Variants in ACVR1C observed in about 807,000 individuals in gnomAD.
The protein encoded by ACVR1C is activin receptor type-1C.
A neutral mutation model predicts 57.9 loss-of-function variants in ACVR1C; 23 were observed. The observed-to-expected ratio is 0.40, with a 90% CI of 0.29 to 0.56. The LOEUF is 0.56. ACVR1C is among the 20% of genes least tolerant of loss of function. ACVR1C has a pLI of 0.50. For synonymous variants in ACVR1C, 214 were observed against 215.3 expected (o/e 0.99, Z 0.05); for missense variants, 480 against 607.9 (o/e 0.79, Z 2.21).
intron 1 of ACVR1C, among the ~76,000 whole-genome samples, chr2:157,588,236 TACACACACACAC>T (rs10572950): frequency 2.0e-5 from 3 of 147,772 alleles, no homozygotes; most frequent in Admixed American, 1.4e-4. Flanking sequence ...CTCCACTTAC[TACACACACACAC>T]ACACACACAC....
chr2:157,554,235 G>GAA (rs1283086740), intron 3 of ACVR1C, among the ~76,000 whole-genome samples: 2 of 112,342 alleles, frequency 1.8e-5, no homozygotes, highest in Admixed American at 9.1e-5. Context: ...AAGAAAGAAA[G>GAA]AAAGAAAGAA....
At chr2:157,577,838 C>T (rs745430224) in intron 2 of ACVR1C, among the ~76,000 whole-genome samples, 10 of 151,788 alleles carry the variant, frequency 6.6e-5, no homozygotes, top group Non-Finnish European at 1.5e-4. Context: ...TTCTTGGCTT[C>T]TTTTGGTTTT....
chr2:157,535,557 G>A (rs1461588382), intron 8 of ACVR1C, among the ~76,000 whole-genome samples: 1 of 152,156 alleles, frequency 6.6e-6, no homozygotes, highest in Non-Finnish European at 1.5e-5. Context: ...GCCAGGTGCG[G>A]TGGCTCACAC....
In ACVR1C at chr2:157,532,808, T is replaced by A. The variant is rs1687388512; in HGVS notation, c.*1110A>T. ...GTTTTCTTAATTCTTCTCAATATAT[T>A]CTCAAAATATTTCCTTCCTTCCTCT... On this transcript the variant is annotated 3_prime_UTR_variant, in exon 9 of 9. Coordinates refer to ENST00000243349, the MANE Select transcript of ACVR1C (RefSeq NM_145259.3). The A allele has an allele frequency of 6.6e-6, 1 of 152,168 alleles. No individual in the cohort carries two copies. The highest frequency in any genetic ancestry group is 1.5e-5 in the Non-Finnish European group (1 of 68,022). 9.4% of individuals were successfully genotyped at this position (152,168 alleles called of 1,614,324 possible). A position where few individuals can be genotyped will look rare whatever the true frequency, so the allele number is the denominator to read the frequency against.
intron 4 of ACVR1C, among the ~76,000 whole-genome samples, chr2:157,545,300 C>A (rs1368018522): frequency 6.6e-6 from 1 of 152,204 alleles, no homozygotes; most frequent in Non-Finnish European, 1.5e-5. Flanking sequence ...TAACCCTGGG[C>A]AGTCCTGACC....
At chr2:157,624,655 G>A (rs1319371222) in intron 1 of ACVR1C, among the ~76,000 whole-genome samples, 2 of 152,200 alleles carry the variant, frequency 1.3e-5, no homozygotes, top group Non-Finnish European at 2.9e-5. Flanking sequence ...GAGATATCCT[G>A]TGCAAAGAGT....
At chr2:157,556,012 GC>G in intron 3 of ACVR1C, 80 bp downstream of exon 3, 2 of 1,441,928 alleles carry the variant, frequency 1.4e-6, no homozygotes. Flanking sequence ...TAATATTTGG[GC>G]CCTTTTTGTT....
chr2:157,589,340 G>T (rs1689010218), intron 1 of ACVR1C, among the ~76,000 whole-genome samples: 1 of 151,906 alleles, frequency 6.6e-6, no homozygotes. Flanking sequence ...CTTCTTTTGA[G>T]AAGTGTTTGT....
At chr2:157,570,728 T>C (rs2105239928) in intron 2 of ACVR1C, among the ~76,000 whole-genome samples, 1 of 70,426 alleles carries the variant, frequency 1.4e-5, no homozygotes, top group South Asian at 4.4e-4. Context: ...CACAAACAAA[T>C]GGAAGAACAT....
intron 2 of ACVR1C, 63 bp from the exon 3 acceptor site, chr2:157,556,395 G>C: frequency 3.2e-6 from 5 of 1,587,254 alleles, no homozygotes; most frequent in African/African-American, 1.3e-5. Context: ...TTTTGGAATT[G>C]GAATTGCAAT....
intron 4 of ACVR1C, 73 bp downstream of exon 4, chr2:157,550,089 A>ATT (rs997509263): frequency 1.9e-5 from 23 of 1,229,710 alleles, no homozygotes; most frequent in Admixed American, 8.6e-5. Flanking sequence ...ACTAGACAAC[A>ATT]TTTTTTTTTT....
intron 4 of ACVR1C, among the ~76,000 whole-genome samples, chr2:157,544,925 G>C (rs1338363092): frequency 1.3e-5 from 2 of 152,060 alleles, no homozygotes; most frequent in African/African-American, 4.8e-5. Context: ...CCACATTATA[G>C]GAGAAACCAC....
intron 2 of ACVR1C, among the ~76,000 whole-genome samples, chr2:157,563,148 C>T (rs565243385): frequency 1.9e-4 from 29 of 152,114 alleles, no homozygotes; most frequent in African/African-American, 5.5e-4. Context: ...GGAAATAAAG[C>T]GTATTCAAAT....
chr2:157,627,927 G>A (rs1280119839), intron 1 of ACVR1C, among the ~76,000 whole-genome samples: 2 of 152,304 alleles, frequency 1.3e-5, no homozygotes, highest in South Asian at 4.1e-4. Context: ...TCAAGGCACA[G>A]ACCTGTTATA....
intron 2 of ACVR1C, among the ~76,000 whole-genome samples, chr2:157,559,644 G>A (rs189501461): frequency 2.6e-5 from 4 of 152,134 alleles, no homozygotes; most frequent in African/African-American, 9.7e-5. Flanking sequence ...TCCATGGGGG[G>A]ACACGTTAAA....
chr2:157,576,835 CTTTTTTTTTTTTTTTTT>C lies in ACVR1C; in HGVS notation c.304+10335_304+10351del, dbSNP rs1166673398. Among the ~76,000 whole-genome samples, 2 of 41,722 alleles carry C rather than the reference CTTTTTTTTTTTTTTTTT, an allele frequency of 4.8e-5. 1 individual carries two copies. The highest frequency in any genetic ancestry group is 8.9e-5 in the Non-Finnish European group (2 of 22,352). 27.4% of individuals were successfully genotyped at this position (41,722 alleles called of 152,430 possible). A position where few individuals can be genotyped will look rare whatever the true frequency, so the allele number is the denominator to read the frequency against. ...AGAGCCTTTTGGGCTTTGAAATTTT[CTTTTTTTTTTTTTTTTT>C]TTTTTTTTTTTTTGAGACGGAGTCT... On this transcript the variant is annotated intron_variant, in intron 2 of 8. Transcript: ENST00000243349.
intron 1 of ACVR1C, among the ~76,000 whole-genome samples, chr2:157,601,562 T>A (rs1463644264): frequency 6.6e-6 from 1 of 152,174 alleles, no homozygotes; most frequent in Non-Finnish European, 1.5e-5. Context: ...AGGTAGGTCA[T>A]CTGAGTCTTG....
intron 1 of ACVR1C, among the ~76,000 whole-genome samples, chr2:157,611,103 T>C (rs937739039): frequency 6.6e-6 from 1 of 152,196 alleles, no homozygotes; most frequent in African/African-American, 2.4e-5. Context: ...TTTTAATGTT[T>C]CTTGTGTTCT....
intron 1 of ACVR1C, among the ~76,000 whole-genome samples, chr2:157,587,923 C>G (rs960040410): frequency 1.3e-5 from 2 of 152,016 alleles, no homozygotes; most frequent in Non-Finnish European, 2.9e-5. Context: ...ATTTATGTCT[C>G]TAAAAAAATA....
Sources: gnomAD v4.1 joint callset for allele counts (sites outside exome capture counted in the v4.1 genomes callset) on GRCh38, gnomAD v4.1.1 for gene constraint, MANE v1.5 for transcripts, NCBI Gene and HGNC (gene_info 2026-07-23, HGNC 2026-07-21) for gene names.